GAGE10: variants seen among roughly 807,000 people sequenced by gnomAD.
GAGE10 encodes the protein G antigen 10.
GAGE10 carries 9 observed loss-of-function variants against 11.5 expected under a neutral mutation model. That is an observed-to-expected ratio of 0.78 (90% CI 0.47 to 1.37). GAGE10 has a LOEUF of 1.37. Ranked by LOEUF, GAGE10 falls within the 40% of genes most tolerant of loss-of-function variation. The pLI, the probability that GAGE10 is intolerant of heterozygous loss-of-function variation, is 0.00. For synonymous variants in GAGE10, 23 were observed against 29.7 expected (o/e 0.77, Z 0.73); for missense variants, 83 against 92.9 (o/e 0.89, Z 0.44).
intron 3 of GAGE10, among the ~76,000 whole-genome samples, chrX:49,310,755 C>T (rs1368924414): frequency 2.3e-5 from 2 of 86,549 alleles, no homozygotes; most frequent in Non-Finnish European, 3.9e-5. Flanking sequence ...ACCCGATTAG[C>T]CCCCCCCCAC....
At chrX:49,305,146 CTTTG>C (rs1173715813) in intron 2 of GAGE10, among the ~76,000 whole-genome samples, 3 of 111,689 alleles carry the variant, frequency 2.7e-5, no homozygotes, top group Non-Finnish European at 5.6e-5. Flanking sequence ...CTTTCTCAGG[CTTTG>C]TTTGTTAATG....
At position 49,304,888 on chromosome X, in the gene GAGE10, G is replaced by A. The variant is rs1290564052; in HGVS notation, c.29G>A (p.Arg10Gln). Residue 10 changes from arginine (R) to glutamine (Q), a missense_variant, in exon 2 of 5, where the codon CGG becomes CAG. Arg to Gln is a conservative substitution (Grantham distance 43, BLOSUM62 1). Transcript: ENST00000407599. The stretch of plus-strand genomic sequence containing the variant: ...AGTTGGCGAGGAAGATCGACCTATC[G>A]GCCTAGACCAAGACGCTACGTAGAG... MSWRGRSTY[R>Q]PRPRRYVEPP... is the part of the protein sequence containing the mutation. 9.1e-6 allele frequency: 11 copies of A among 1,207,980 alleles called. No individual in the cohort carries two copies. The highest frequency in any genetic ancestry group is 1.2e-5 in the Non-Finnish European group (11 of 893,469).
rs1161835605 is a variant in GAGE10 at position 49,304,910 on chromosome X, A to G, written c.51A>G (p.Val17=). Residue 17 remains valine, a synonymous_variant, in exon 2 of 5, where the codon GTA becomes GTG. Transcript: ENST00000407599. The stretch of plus-strand genomic sequence containing the variant: ...ATCGGCCTAGACCAAGACGCTACGT[A>G]GAGCCCCCTGAAATGATTGGGCCTA... ...STYRPRPRRY[V]EPPEMIGPML... 13 of 1,207,600 alleles carry G rather than the reference A, an allele frequency of 1.1e-5. No individual in the cohort carries two copies. The highest frequency in any genetic ancestry group is 1.3e-5 in the Non-Finnish European group (12 of 892,925).
At position 49,317,166 on chromosome X, in the gene GAGE10, C is replaced by T. The variant is rs367817582; in HGVS notation, c.206C>T (p.Pro69Leu). Residue 69 changes from proline (P) to leucine (L), a missense_variant, in exon 4 of 5, where the codon CCG (proline) becomes CTG (leucine). Pro to Leu is a moderately conservative substitution (Grantham distance 98). Coordinates refer to ENST00000407599, the MANE Select transcript of GAGE10 (RefSeq NM_001098413.4). The part of the protein sequence containing the change: ...EDEGASAGQG[P>L]KPEADSQEQV... ...ATATGTATTTTTTATTTTTAATGGC[C>T]GAAGCCTGAAGCTGATAGCCAGGAA... 60 of 1,199,299 alleles carry T rather than the reference C, an allele frequency of 5.0e-5. No homozygotes were observed. Among genetic ancestry groups the T allele is most frequent in the Non-Finnish European group, 6.4e-5 (57 of 889,093 alleles).
At chrX:49,316,832 T>G (rs781842784) in intron 3 of GAGE10, among the ~76,000 whole-genome samples, 4 of 111,182 alleles carry the variant, frequency 3.6e-5, no homozygotes, top group Non-Finnish European at 7.5e-5. Flanking sequence ...GTCTAAGTGC[T>G]AGGAGTGTAA....
intron 3 of GAGE10, among the ~76,000 whole-genome samples, chrX:49,314,819 A>G (rs1304253374): frequency 8.9e-6 from 1 of 112,166 alleles, no homozygotes; most frequent in Non-Finnish European, 1.9e-5. Context: ...ACCAGTGGCC[A>G]TGGGAGGCAA....
intron 3 of GAGE10, among the ~76,000 whole-genome samples, chrX:49,305,924 G>T (rs1320556968): frequency 9.0e-6 from 1 of 111,495 alleles, no homozygotes; most frequent in Non-Finnish European, 1.9e-5. Context: ...TTACTGTAAG[G>T]TAGCTTAGTA....
intron 3 of GAGE10, among the ~76,000 whole-genome samples, chrX:49,308,639 C>T (rs1326009457): frequency 1.8e-5 from 2 of 111,905 alleles, no homozygotes; most frequent in Non-Finnish European, 3.8e-5. Context: ...CTCATGTCCC[C>T]CTAATAAAGT....
chrX:49,317,070 T>A, intron 3 of GAGE10, 93 bp from the exon 4 acceptor site: 1 of 1,004,100 alleles, frequency 1.0e-6, no homozygotes, highest in Non-Finnish European at 1.4e-6. Context: ...TAGCTAAAGC[T>A]TTTATATAAT....
intron 1 of GAGE10, among the ~76,000 whole-genome samples, chrX:49,304,440 A>G (rs2066347955): frequency 8.9e-6 from 1 of 112,799 alleles, no homozygotes; most frequent in Non-Finnish European, 1.9e-5. Context: ...ACTAAACCTC[A>G]TCAGAAATGA....
chrX:49,305,968 G>A (rs1370893236), intron 3 of GAGE10, among the ~76,000 whole-genome samples: 5 of 111,671 alleles, frequency 4.5e-5, no homozygotes, highest in Admixed American at 2.9e-4. Flanking sequence ...CAGAGGAGCA[G>A]GAGCAGCTCC....
chrX:49,304,883 C>T lies in GAGE10; in HGVS notation c.24C>T (p.Thr8=), dbSNP rs782230048. The T allele has an allele frequency of 1.7e-6, 2 of 1,209,103 alleles. No homozygotes were observed. Among genetic ancestry groups the T allele is most frequent in the South Asian group, 3.5e-5 (2 of 56,980 alleles). MSWRGRS[T]YRPRPRRYVE... ...ATATGAGTTGGCGAGGAAGATCGAC[C>T]TATCGGCCTAGACCAAGACGCTACG... The change falls in exon 2 of 5, where the codon ACC becomes ACT. Residue 8 remains threonine (T), a synonymous_variant. Transcript: ENST00000407599.
chrX:49,315,050 C>T (rs1468081177), intron 3 of GAGE10, among the ~76,000 whole-genome samples: 2 of 111,960 alleles, frequency 1.8e-5, no homozygotes, highest in African/African-American at 6.5e-5. Context: ...CCCAGAATGA[C>T]TCCTACTTAC....
At chrX:49,306,932 A>G (rs1296176219) in intron 3 of GAGE10, among the ~76,000 whole-genome samples, 1 of 112,360 alleles carries the variant, frequency 8.9e-6, no homozygotes, top group Non-Finnish European at 1.9e-5. Context: ...TGTTGCAAAC[A>G]TAACTCCTTA....
Position 49,317,147 on chromosome X carries a change from A to AT in GAGE10, c.203-10dup. 1.7e-6 allele frequency: 2 copies of AT among 1,191,106 alleles called. No individual in the cohort carries two copies. The highest frequency in any genetic ancestry group is 2.3e-6 in the Non-Finnish European group (2 of 881,358). ...TGTTTTACTGCTTAAATTGATATGT[A>AT]TTTTTTATTTTTAATGGCCGAAGCC... On this transcript the variant is annotated splice_polypyrimidine_tract_variant and intron_variant, in intron 3 of 4. Transcript: ENST00000407599.
At chrX:49,307,652 C>CT (rs1191718461) in intron 3 of GAGE10, among the ~76,000 whole-genome samples, 5 of 110,648 alleles carry the variant, frequency 4.5e-5, no homozygotes, top group African/African-American at 1.6e-4. Context: ...GTAATGTTTC[C>CT]TTTTTTTTGT....
At chrX:49,312,910 C>T (rs1166072907) in intron 3 of GAGE10, among the ~76,000 whole-genome samples, 8 of 112,349 alleles carry the variant, frequency 7.1e-5, no homozygotes, top group Non-Finnish European at 1.3e-4. Flanking sequence ...ATCCTGTGCC[C>T]GGAATAATCC....
At chrX:49,319,304 C>T (rs868965404) in intron 4 of GAGE10, among the ~76,000 whole-genome samples, 26 of 110,465 alleles carry the variant, frequency 2.4e-4, no homozygotes, top group Admixed American at 6.8e-4. Context: ...TCTAATAAGA[C>T]GGTAGACACA....
chrX:49,310,760 C>A (rs1297402093), intron 3 of GAGE10, among the ~76,000 whole-genome samples: 1 of 110,491 alleles, frequency 9.1e-6, no homozygotes, highest in African/African-American at 3.3e-5. Context: ...ATTAGCCCCC[C>A]CCCACAAAGA....
Sources: allele counts gnomAD v4.1 joint callset (sites outside exome capture counted in the v4.1 genomes callset), GRCh38; gene constraint gnomAD v4.1.1; transcripts MANE v1.5; gene names NCBI Gene and HGNC (gene_info 2026-07-23, HGNC 2026-07-21).